The following LMNB2 variants were observed in gnomAD, a reference collection of about 807,000 sequenced individuals.
The protein encoded by LMNB2 is lamin-B2.
LMNB2 carries 17 observed loss-of-function variants against 69.3 expected under a neutral mutation model. The observed-to-expected ratio is 0.25, with a 90% CI of 0.17 to 0.37. The LOEUF is 0.37. LMNB2 is among the 10% of genes least tolerant of loss of function. LMNB2 has a pLI of 1.00. For synonymous variants in LMNB2, 397 were observed against 389.3 expected, an observed-to-expected ratio of 1.02 and a Z score of -0.23; for missense variants, 789 against 883.6, an observed-to-expected ratio of 0.89 and a Z score of 1.36.
intron 1 of LMNB2, among the ~76,000 whole-genome samples, chr19:2,450,261 A>G (rs920675011): frequency 2.6e-5 from 4 of 152,062 alleles, no homozygotes; most frequent in Non-Finnish European, 5.9e-5. Context: ...AGAACCTCTA[A>G]CCAGGAACGT....
In LMNB2 at chr19:2,447,618, C is replaced by T. The variant is rs777981632; in HGVS notation, c.265-3078G>A. On this transcript the variant is annotated intron_variant, in intron 1 of 11. Coordinates refer to ENST00000325327, the MANE Select transcript of LMNB2 (RefSeq NM_032737.4). This position sits in a 1 kb window ranked among gnomAD's most constrained non-coding sequence, Gnocchi z 4.4. ...AAAAGGAGGACCGGAGGATGGTAGGCGGAACCAGGCCCAGCACCACCCGCT... is the reference window on the plus strand; with the variant it reads ...AAAAGGAGGACCGGAGGATGGTAGGTGGAACCAGGCCCAGCACCACCCGCT... 4.6e-5 allele frequency among the ~76,000 whole-genome samples: 7 copies of T among 152,182 alleles called. No homozygotes were observed. The highest frequency in any genetic ancestry group is 8.8e-5 in the Non-Finnish European group (6 of 68,022).
chr19:2,441,333 G>T (rs1016767532), intron 2 of LMNB2, among the ~76,000 whole-genome samples: 1 of 152,260 alleles, frequency 6.6e-6, no homozygotes, highest in African/African-American at 2.4e-5. Flanking sequence ...CACACTAGAG[G>T]TGTGGCATCT....
intron 11 of LMNB2, 24 bp from the exon 12 acceptor site, chr19:2,430,976 T>G: frequency 1.5e-5 from 23 of 1,520,072 alleles, no homozygotes; most frequent in Non-Finnish European, 1.7e-5. Flanking sequence ...GGAAGGAAGG[T>G]CGGCCATGAT....
rs998616364 is a variant in LMNB2 at position 2,433,976 on chromosome 19, G to A, written c.1332C>T (p.Pro444=). ...CCAGGACGCTTGGGCCGCTGCCCAA[G>A]GGCTCCTCCACCTCCAGCCGCTTCC... ...SKRKRLEVEE[P]LGSGPSVLGT... Residue 444 remains proline (P), a synonymous_variant, in exon 8 of 12, where the codon CCC becomes CCT. Coordinates refer to ENST00000325327, the MANE Select transcript of LMNB2 (RefSeq NM_032737.4). 32 of 1,610,654 alleles carry A rather than the reference G, an allele frequency of 2.0e-5. No homozygotes were observed. In the Admixed American group the frequency reaches 4.2e-4, roughly 21 times the overall value.
rs1479426963 is a variant in LMNB2, at chr19:2,447,006, T to A, written c.265-2466A>T. Among the ~76,000 whole-genome samples the A allele has an allele frequency of 6.7e-6, 1 of 150,144 alleles. No individual in the cohort carries two copies. Among genetic ancestry groups the A allele is most frequent in the Non-Finnish European group, 1.5e-5 (1 of 67,130 alleles). On this transcript the variant is annotated intron_variant, in intron 1 of 11. Coordinates refer to ENST00000325327, the MANE Select transcript of LMNB2 (RefSeq NM_032737.4). The surrounding 1 kb of genome is among the most constrained non-coding windows in gnomAD (Gnocchi z 4.4). ...AAACATACAAAAAATTAGCCAGGCG[T>A]GGTGGTGGGCGCCTGTGGTCCCAGC...
chr19:2,433,037 AC>A (rs1306139483), intron 8 of LMNB2, among the ~76,000 whole-genome samples: 1 of 53,332 alleles, frequency 1.9e-5, no homozygotes, highest in African/African-American at 7.6e-5. Flanking sequence ...GACCCTGATC[AC>A]CCCCATCAGC....
In LMNB2 at chr19:2,432,410, A is replaced by G; in HGVS notation, c.1590+6T>C. On this transcript the variant is annotated splice_donor_region_variant and intron_variant, in intron 9 of 11. Coordinates refer to ENST00000325327, the MANE Select transcript of LMNB2 (RefSeq NM_032737.4). ...GCCACCCTCGCCCTCCTGCCCCACCACCTACCGTGACCATCTGGCCGGCGC... is the reference window on the plus strand; with the variant it reads ...GCCACCCTCGCCCTCCTGCCCCACCGCCTACCGTGACCATCTGGCCGGCGC... 6.8e-7 allele frequency: 1 copy of G among 1,463,670 alleles called. No homozygotes were observed. Among genetic ancestry groups the G allele is most frequent in the South Asian group, 1.1e-5 (1 of 87,684 alleles). 90.7% of individuals were successfully genotyped at this position (1,463,670 alleles called of 1,614,324 possible).
Position 2,434,117 on chromosome 19 carries a change from G to T in LMNB2, c.1203-12C>A. The T allele has an allele frequency of 6.3e-7, 1 of 1,577,896 alleles. No individual in the cohort carries two copies. ...GGGACAGCTTCAGCCTGTGGGGAAG[G>T]CAAGGAAGGTGGGACTGGTAGTGGG... On this transcript the variant is annotated splice_polypyrimidine_tract_variant and intron_variant, in intron 7 of 11. Coordinates refer to ENST00000325327, the MANE Select transcript of LMNB2 (RefSeq NM_032737.4).
At chr19:2,441,637 A>G (rs966806352) in intron 2 of LMNB2, among the ~76,000 whole-genome samples, 6 of 152,244 alleles carry the variant, frequency 3.9e-5, no homozygotes, top group African/African-American at 1.4e-4. Flanking sequence ...CTCTCACACC[A>G]GAGGTGCATC....
At position 2,432,535 on chromosome 19, in the gene LMNB2, G is replaced by A. The variant is rs761892602; in HGVS notation, c.1483-12C>T. Reference sequence around the variant, plus strand: ...CCCAGAGACTGATCCTGGAAGACACGGCACACACCTGACCCTCAGCCACCA... The same window carrying A: ...CCCAGAGACTGATCCTGGAAGACACAGCACACACCTGACCCTCAGCCACCA... On this transcript the variant is annotated splice_polypyrimidine_tract_variant and intron_variant, in intron 8 of 11. Transcript: ENST00000325327. 196 of 1,601,672 alleles carry A rather than the reference G, an allele frequency of 1.2e-4. 3 individuals carry two copies. In the South Asian group the frequency reaches 1.3e-3, roughly 11 times the overall value.
intron 4 of LMNB2, among the ~76,000 whole-genome samples, chr19:2,437,854 G>A (rs967586340): frequency 1.6e-4 from 24 of 151,766 alleles, no homozygotes; most frequent in Non-Finnish European, 3.4e-4. Flanking sequence ...GACCTTATTT[G>A]GAAATGGGGT....
rs368949581 is a variant in LMNB2 at position 2,434,052 on chromosome 19, G to C, written c.1256C>G (p.Ser419Trp). The C allele has an allele frequency of 8.1e-6, 13 of 1,600,362 alleles. No individual in the cohort carries two copies. The highest frequency in any genetic ancestry group is 4.0e-5 in the African/African-American group (3 of 74,690). The change falls in exon 8 of 12, where the codon TCG (serine) becomes TGG (tryptophan). Residue 419 changes from serine (S) to tryptophan (W), a missense_variant. By Grantham distance (177) the Ser-to-Trp change is radical. Coordinates refer to ENST00000325327, the MANE Select transcript of LMNB2 (RefSeq NM_032737.4). ...SSRVTVSRATSSSSGSLSATG... is the reference protein window; with the variant it reads ...SSRVTVSRATWSSSGSLSATG... ...GGCGGACAAGCTGCCGCTGCTGCTC[G>C]AGGTGGCTCGTGAGACGGTGACGCG...
intron 7 of LMNB2, 66 bp downstream of exon 7, chr19:2,434,229 C>T (rs868244298): frequency 6.3e-6 from 10 of 1,579,628 alleles, no homozygotes; most frequent in African/African-American, 1.3e-5. Context: ...CAGCCCCGTC[C>T]CGCCTCTCCT....
In LMNB2 at chr19:2,443,592, C is replaced by T. The variant is rs1971921869; in HGVS notation, c.401+812G>A. On this transcript the variant is annotated intron_variant, in intron 2 of 11. Coordinates refer to ENST00000325327, the MANE Select transcript of LMNB2 (RefSeq NM_032737.4). The surrounding 1 kb of genome is among the most constrained non-coding windows in gnomAD (Gnocchi z 6.2). ...GTGGGAAGACCCTGACCCACCCCAG[C>T]CTGAGGAAATCCGAGGCACCTGCAG... 1.3e-5 allele frequency among the ~76,000 whole-genome samples: 2 copies of T among 152,140 alleles called. No individual in the cohort carries two copies. Among genetic ancestry groups the T allele is most frequent in the African/African-American group, 4.8e-5 (2 of 41,434 alleles).
intron 8 of LMNB2, 95 bp from the exon 9 acceptor site, chr19:2,432,618 C>G: frequency 1.0e-6 from 1 of 986,604 alleles, no homozygotes; most frequent in East Asian, 2.4e-5. Flanking sequence ...TGACCCTGGT[C>G]ACCCCCACCA....
Position 2,453,746 on chromosome 19 carries a change from A to G in LMNB2, c.264+2924T>C, listed in dbSNP as rs115211019. On this transcript the variant is annotated intron_variant, in intron 1 of 11. Transcript: ENST00000325327. This position sits in a 1 kb window ranked among gnomAD's most constrained non-coding sequence, Gnocchi z 4.4. ...CCCTCTAGGGCACAGGGCCGGTCCA[A>G]TGGGGCGTCCAGTGGGGCTGGGGCT... Among the ~76,000 whole-genome samples the G allele has an allele frequency of 8.3e-4, 126 of 152,166 alleles. 1 individual carries two copies. The highest frequency in any genetic ancestry group is 2.9e-3 in the African/African-American group (121 of 41,528).
intron 7 of LMNB2, 70 bp from the exon 8 acceptor site, chr19:2,434,175 G>A (rs892793363): frequency 5.8e-6 from 9 of 1,544,106 alleles, no homozygotes; most frequent in African/African-American, 1.4e-5. Flanking sequence ...GCAGAGTGGC[G>A]GCCACGGCCC....
intron 1 of LMNB2, among the ~76,000 whole-genome samples, chr19:2,448,089 C>T (rs78872118): frequency 3.9e-5 from 6 of 152,220 alleles, no homozygotes; most frequent in Admixed American, 6.5e-5. Flanking sequence ...GCTCCTCCCG[C>T]GGCACCCCGG....
chr19:2,441,092 G>A (rs1195731405), intron 2 of LMNB2, among the ~76,000 whole-genome samples: 1 of 152,280 alleles, frequency 6.6e-6, no homozygotes, highest in African/African-American at 2.4e-5. Flanking sequence ...GGTCGGACAG[G>A]CATACCCTGG....
Sources: allele counts gnomAD v4.1 joint callset (sites outside exome capture counted in the v4.1 genomes callset), GRCh38; gene constraint gnomAD v4.1.1; non-coding constraint Gnocchi (gnomAD v3.1); transcripts MANE v1.5; gene names NCBI Gene and HGNC (gene_info 2026-07-23, HGNC 2026-07-21).